The following MAD1L1 variants were observed in gnomAD, a reference collection of about 807,000 sequenced individuals.
The protein encoded by MAD1L1 is mitotic arrest deficient 1 like 1.
MAD1L1 carries 95 observed loss-of-function variants against 96.9 expected under a neutral mutation model. The ratio of observed to expected loss-of-function variants is 0.98; its 90% CI spans 0.83 to 1.16. The LOEUF (loss-of-function observed/expected upper bound fraction) is 1.16, where lower values mean the gene tolerates loss of function less well. Ranked by LOEUF, MAD1L1 falls within the 50% of genes most tolerant of loss-of-function variation. The pLI is 0.00. For synonymous variants in MAD1L1, 473 were observed against 396.6 expected, an observed-to-expected ratio of 1.19 and a Z score of -2.29; for missense variants, 1,007 against 954.4, an observed-to-expected ratio of 1.06 and a Z score of -0.73.
At chr7:1,923,210 G>A (rs986187877) in intron 17 of MAD1L1, among the ~76,000 whole-genome samples, 2 of 152,180 alleles carry the variant, frequency 1.3e-5, no homozygotes, top group Admixed American at 6.5e-5. Context: ...TTAATGAGAC[G>A]ATCTATTTCA....
At chr7:1,987,292 T>C (rs571433188) in intron 14 of MAD1L1, among the ~76,000 whole-genome samples, 17 of 152,132 alleles carry the variant, frequency 1.1e-4, no homozygotes, top group African/African-American at 3.6e-4. Flanking sequence ...TAGGGCCCCA[T>C]TGCCAGCACA....
chr7:1,891,927 G>A (rs1786564715), intron 18 of MAD1L1, among the ~76,000 whole-genome samples: 1 of 152,260 alleles, frequency 6.6e-6, no homozygotes, highest in East Asian at 1.9e-4. Context: ...ATAGTTGAGT[G>A]TAGCCTAAGT....
At chr7:1,932,088 G>A (rs1024081346) in intron 17 of MAD1L1, among the ~76,000 whole-genome samples, 2 of 152,236 alleles carry the variant, frequency 1.3e-5, no homozygotes, top group African/African-American at 2.4e-5. Flanking sequence ...GACACCCAAC[G>A]CACCAGGTTC....
intron 11 of MAD1L1, among the ~76,000 whole-genome samples, chr7:2,128,670 G>A (rs974083265): frequency 1.3e-5 from 2 of 152,218 alleles, no homozygotes; most frequent in African/African-American, 2.4e-5. Context: ...CTCAGCTGGG[G>A]CCTTGGCCAT....
intron 11 of MAD1L1, among the ~76,000 whole-genome samples, chr7:2,112,985 G>C (rs1412441098): frequency 3.3e-5 from 5 of 152,206 alleles, no homozygotes; most frequent in Non-Finnish European, 7.3e-5. Flanking sequence ...CAGAGCACTG[G>C]GTCACGGCCG....
At chr7:1,874,747 T>C (rs575626583) in intron 18 of MAD1L1, among the ~76,000 whole-genome samples, 1 of 151,726 alleles carries the variant, frequency 6.6e-6, no homozygotes, top group South Asian at 2.1e-4. Flanking sequence ...CCTGGGCACT[T>C]AGTGTACACG....
intron 18 of MAD1L1, among the ~76,000 whole-genome samples, chr7:1,882,312 T>C (rs1181299513): frequency 6.6e-6 from 1 of 152,140 alleles, no homozygotes; most frequent in Non-Finnish European, 1.5e-5. Context: ...AGCAACAAGA[T>C]GGGACGTGAA....
At chr7:1,840,082 C>G (rs1783166461) in intron 18 of MAD1L1, among the ~76,000 whole-genome samples, 1 of 152,244 alleles carries the variant, frequency 6.6e-6, no homozygotes, top group African/African-American at 2.4e-5. Flanking sequence ...ACACCCCACC[C>G]TTTCCTCAAC....
At chr7:2,136,694 C>T (rs187938703) in intron 11 of MAD1L1, among the ~76,000 whole-genome samples, 113 of 152,330 alleles carry the variant, frequency 7.4e-4, no homozygotes, top group African/African-American at 2.5e-3. Context: ...TTGGCATCTC[C>T]TCGGGGCTCA....
chr7:2,088,491 C>T lies in MAD1L1; in HGVS notation c.1074-19153G>A, dbSNP rs914860303. Reference sequence around the variant, plus strand: ...CTCCCCGCTTGCCTCCAGGGAACACCGCCCCAGCCTCGAGTGCCACCATGA... The same window carrying T: ...CTCCCCGCTTGCCTCCAGGGAACACTGCCCCAGCCTCGAGTGCCACCATGA... On this transcript the variant is annotated intron_variant, in intron 11 of 18. Coordinates refer to ENST00000265854, the MANE Select transcript of MAD1L1 (RefSeq NM_001013836.2). This position sits in a 1 kb window ranked among gnomAD's most constrained non-coding sequence, Gnocchi z 4.4. Among the ~76,000 whole-genome samples the T allele has an allele frequency of 1.2e-4, 19 of 152,220 alleles. No homozygotes were observed. The highest frequency in any genetic ancestry group is 4.3e-4 in the African/African-American group (18 of 41,452).
intron 17 of MAD1L1, among the ~76,000 whole-genome samples, chr7:1,902,442 G>C (rs1217547991): frequency 1.3e-5 from 2 of 152,204 alleles, no homozygotes; most frequent in South Asian, 2.1e-4. Context: ...CGGGGCCCAG[G>C]CCTTTCAGAA....
At chr7:2,038,508 T>G (rs1407824276) in intron 12 of MAD1L1, among the ~76,000 whole-genome samples, 1 of 96,668 alleles carries the variant, frequency 1.0e-5, no homozygotes, top group Non-Finnish European at 1.9e-5. Flanking sequence ...CTTTTTTTTT[T>G]TTTTTTTTTT....
At chr7:1,869,983 G>A (rs1029021030) in intron 18 of MAD1L1, among the ~76,000 whole-genome samples, 3 of 152,178 alleles carry the variant, frequency 2.0e-5, no homozygotes, top group African/African-American at 7.2e-5. Flanking sequence ...CCTCGCCCGT[G>A]CCTCCCCTGC....
At chr7:1,914,024 C>CT (rs1241225566) in intron 17 of MAD1L1, among the ~76,000 whole-genome samples, 1 of 152,096 alleles carries the variant, frequency 6.6e-6, no homozygotes, top group Admixed American at 6.5e-5. Context: ...CAGGTCTCCC[C>CT]CCCCAGCACG....
chr7:1,934,302 C>G (rs1425338700), intron 17 of MAD1L1, among the ~76,000 whole-genome samples: 1 of 152,242 alleles, frequency 6.6e-6, no homozygotes, highest in African/African-American at 2.4e-5. Flanking sequence ...GGCCCGGGCA[C>G]CTGTCACAGC....
intron 10 of MAD1L1, among the ~76,000 whole-genome samples, chr7:2,182,993 T>G (rs1791275825): frequency 6.6e-6 from 1 of 152,092 alleles, no homozygotes; most frequent in Non-Finnish European, 1.5e-5. Context: ...GAGGCCAGTG[T>G]GGGAGAACCA....
chr7:2,012,798 G>A (rs1012818217), intron 13 of MAD1L1, among the ~76,000 whole-genome samples: 6 of 152,172 alleles, frequency 3.9e-5, no homozygotes, highest in Non-Finnish European at 8.8e-5. Context: ...GTGCATGTGG[G>A]CCCTGGGCCT....
At chr7:2,191,318 G>A (rs1429924316) in intron 10 of MAD1L1, among the ~76,000 whole-genome samples, 1 of 152,176 alleles carries the variant, frequency 6.6e-6, no homozygotes, top group East Asian at 1.9e-4. Context: ...AGACACAATA[G>A]CAAACAGCCC....
chr7:2,179,845 C>G, intron 10 of MAD1L1, among the ~76,000 whole-genome samples: 1 of 151,904 alleles, frequency 6.6e-6, no homozygotes, highest in African/African-American at 2.4e-5. Context: ...GTGGCAGGCA[C>G]CTGTAATTCC....
Sources: allele counts gnomAD v4.1 joint callset (sites outside exome capture counted in the v4.1 genomes callset), GRCh38; gene constraint gnomAD v4.1.1; non-coding constraint Gnocchi (gnomAD v3.1); transcripts MANE v1.5; gene names NCBI Gene and HGNC (gene_info 2026-07-23, HGNC 2026-07-21).